The following TAS2R1 variants were observed in gnomAD, a reference collection of about 807,000 sequenced individuals.
TAS2R1 encodes the protein taste receptor type 2 member 1.
For synonymous variants in TAS2R1, 141 were observed against 134.2 expected (o/e 1.05, Z -0.35); for missense variants, 370 against 353.4 (o/e 1.05, Z -0.38).
At chr5:9,786,165 G>T in the TAS2R1 span, among the ~76,000 whole-genome samples, 1 of 152,056 alleles carries the variant, frequency 6.6e-6, no homozygotes, top group East Asian at 1.9e-4. Flanking sequence ...ATTAGGAAAA[G>T]GTGAAGGAGG....
the TAS2R1 span, among the ~76,000 whole-genome samples, chr5:9,769,508 G>A: frequency 2.6e-5 from 4 of 152,286 alleles, no homozygotes; most frequent in East Asian, 1.9e-4. Context: ...CATAATGGTT[G>A]TACTAATTTA....
the TAS2R1 span, among the ~76,000 whole-genome samples, chr5:9,816,931 C>T: frequency 2.9e-4 from 44 of 152,002 alleles, no homozygotes; most frequent in African/African-American, 9.9e-4. Context: ...GTCTGATCAG[C>T]GGTCTTTTAA....
At chr5:9,690,677 C>T (rs1741223901) in intron 1 of TAS2R1, among the ~76,000 whole-genome samples, 1 of 151,872 alleles carries the variant, frequency 6.6e-6, no homozygotes, top group Non-Finnish European at 1.5e-5. Flanking sequence ...TTGACCAACC[C>T]TCTTGCTTCT....
At chr5:9,837,947 T>G in the TAS2R1 span, among the ~76,000 whole-genome samples, 1 of 152,190 alleles carries the variant, frequency 6.6e-6, no homozygotes, top group South Asian at 2.1e-4. Context: ...AGACAGTCTG[T>G]GTCTCTTTCA....
At chr5:9,859,804 C>A in the TAS2R1 span, among the ~76,000 whole-genome samples, 1 of 152,162 alleles carries the variant, frequency 6.6e-6, no homozygotes, top group African/African-American at 2.4e-5. Context: ...AGACCCAGAG[C>A]AAATGGGTCA....
chr5:9,868,809 T>C, the TAS2R1 span, among the ~76,000 whole-genome samples: 1 of 152,208 alleles, frequency 6.6e-6, no homozygotes, highest in Non-Finnish European at 1.5e-5. Flanking sequence ...CTCTGCTGCA[T>C]ACCCTAAATT....
At chr5:9,871,585 G>T in the TAS2R1 span, among the ~76,000 whole-genome samples, 1 of 152,144 alleles carries the variant, frequency 6.6e-6, no homozygotes, top group Non-Finnish European at 1.5e-5. Flanking sequence ...TCGGATGGGG[G>T]AAGCCTGTTC....
chr5:9,644,411 G>C (rs952774341), intron 2 of TAS2R1, among the ~76,000 whole-genome samples: 13 of 152,248 alleles, frequency 8.5e-5, no homozygotes, highest in East Asian at 1.9e-4. Context: ...AGTTGGCTTT[G>C]ATGGGGAGTG....
chr5:9,849,921 A>T, the TAS2R1 span, among the ~76,000 whole-genome samples: 2 of 152,058 alleles, frequency 1.3e-5, no homozygotes, highest in East Asian at 3.9e-4. Flanking sequence ...TAGACCAAAC[A>T]CTCACCCAGA....
At chr5:9,674,644 A>C (rs1239308241) in intron 1 of TAS2R1, among the ~76,000 whole-genome samples, 1 of 152,162 alleles carries the variant, frequency 6.6e-6, no homozygotes, top group Non-Finnish European at 1.5e-5. Context: ...TTACATATAC[A>C]TGCATTCAGT....
the TAS2R1 span, among the ~76,000 whole-genome samples, chr5:9,759,048 G>A: frequency 1.3e-5 from 2 of 152,232 alleles, no homozygotes; most frequent in Non-Finnish European, 2.9e-5. Context: ...AACTGTAGAA[G>A]TCAAAGCAGA....
the TAS2R1 span, among the ~76,000 whole-genome samples, chr5:9,737,644 G>A: frequency 5.0e-4 from 76 of 152,072 alleles, no homozygotes; most frequent in Non-Finnish European, 7.9e-4. Flanking sequence ...CTTTTCCCTG[G>A]CTCCTTCCAA....
chr5:9,664,282 G>C (rs1025492201), intron 1 of TAS2R1, among the ~76,000 whole-genome samples: 2 of 152,142 alleles, frequency 1.3e-5, no homozygotes, highest in Admixed American at 1.3e-4. Flanking sequence ...GAAAAGCAGA[G>C]GTTGTTATAT....
chr5:9,717,999 T>A, the TAS2R1 span, among the ~76,000 whole-genome samples: 1 of 152,222 alleles, frequency 6.6e-6, no homozygotes, highest in Admixed American at 6.5e-5. Flanking sequence ...CTCACTCTGT[T>A]GCCACGCTGG....
chr5:9,716,545 TTATATA>T (rs5865851), upstream of TAS2R1, among the ~76,000 whole-genome samples: 1 of 148,478 alleles, frequency 6.7e-6, no homozygotes, highest in Non-Finnish European at 1.5e-5. Flanking sequence ...AGTACATATA[TTATATA>T]TATATATATA....
At chr5:9,687,172 T>C (rs981307166) in intron 1 of TAS2R1, among the ~76,000 whole-genome samples, 7 of 152,294 alleles carry the variant, frequency 4.6e-5, no homozygotes, top group Admixed American at 4.6e-4. Flanking sequence ...AGTTTCTCCA[T>C]GTTGGTCAGC....
chr5:9,841,817 G>A, the TAS2R1 span, among the ~76,000 whole-genome samples: 1 of 152,156 alleles, frequency 6.6e-6, no homozygotes. Flanking sequence ...TGCTATAAAA[G>A]CATGGGATTC....
the TAS2R1 span, among the ~76,000 whole-genome samples, chr5:9,823,135 A>G: frequency 2.6e-5 from 4 of 152,158 alleles, no homozygotes; most frequent in Non-Finnish European, 5.9e-5. Context: ...GACTTATATA[A>G]AAGTATATTT....
upstream of TAS2R1, among the ~76,000 whole-genome samples, chr5:9,634,260 G>C (rs1020070344): frequency 2.6e-5 from 4 of 151,986 alleles, no homozygotes; most frequent in African/African-American, 9.7e-5. Context: ...TAAGTATTTG[G>C]CTTTATTTCT....
Sources: allele counts gnomAD v4.1 joint callset (sites outside exome capture counted in the v4.1 genomes callset), GRCh38; gene constraint gnomAD v4.1.1; transcripts MANE v1.5; gene names NCBI Gene and HGNC (gene_info 2026-07-23, HGNC 2026-07-21).